ZNF705G: variants seen among roughly 807,000 people sequenced by gnomAD.
The protein encoded by ZNF705G is putative zinc finger protein 705G.
Under a neutral mutation model 19.6 loss-of-function variants are expected in ZNF705G, and 23 were observed. The observed-to-expected ratio is 1.17, with a 90% CI of 0.84 to 1.66. ZNF705G has a LOEUF of 1.66. Ranked by LOEUF, ZNF705G falls within the 40% of genes most tolerant of loss-of-function variation. ZNF705G has a pLI of 0.00. For missense variants in ZNF705G, 457 were observed against 354.4 expected (o/e 1.29, Z -2.32); for synonymous variants, 146 against 117.7 (o/e 1.24, Z -1.56).
Position 7,364,779 on chromosome 8 carries a change from T to G in ZNF705G, c.-71-1762A>C, listed in dbSNP as rs182939385. ...TATTTTCTACATCTGTTCATCAAGA[T>G]TCCAGTAACATATGACTCCATCTGC... On this transcript the variant is annotated intron_variant, in intron 2 of 6. Transcript: ENST00000400156. 2.8e-4 allele frequency among the ~76,000 whole-genome samples: 42 copies of G among 149,572 alleles called. 1 individual carries two copies. In the South Asian group the frequency reaches 8.8e-3, roughly 31 times the overall value.
At position 7,357,741 on chromosome 8, in the gene ZNF705G, T is replaced by C; in HGVS notation, c.*235A>G. On this transcript the variant is annotated 3_prime_UTR_variant, in exon 7 of 7. Transcript: ENST00000400156. ...TGTTGATTACAGTATTTCTTCAAAA[T>C]GTGAGTCCTTTGGCATGTTTAGATG... The C allele has an allele frequency of 1.3e-6, 1 of 742,844 alleles. No homozygotes were observed. Among genetic ancestry groups the C allele is most frequent in the Non-Finnish European group, 2.1e-6 (1 of 479,522 alleles). The allele number at this position is 742,844 out of a possible 1,614,324, so 46.0% of individuals were successfully genotyped here. A position where few individuals can be genotyped will look rare whatever the true frequency, so the allele number is the denominator to read the frequency against.
Position 7,360,309 on chromosome 8 carries a change from T to C in ZNF705G, c.163A>G (p.Ile55Val). The C allele has an allele frequency of 6.3e-7, 1 of 1,590,312 alleles. No homozygotes were observed. Among genetic ancestry groups the C allele is most frequent in the Non-Finnish European group, 8.5e-7 (1 of 1,178,792 alleles). Reference protein sequence around the residue: ...SLGYQISKSYIILQLEQGKEL... With the variant: ...SLGYQISKSYVILQLEQGKEL... ...TTTCCTTGCTCCAGCTGCAAAATTA[T>C]ATAGGATTTGCTTATCTGGTACCCT... Residue 55 changes from isoleucine (I) to valine (V), a missense_variant, in exon 5 of 7, where the codon ATA becomes GTA. Physicochemically the swap from Ile to Val is conservative, Grantham distance 29. Coordinates refer to ENST00000400156, the MANE Select transcript of ZNF705G (RefSeq NM_001164457.3).
chr8:7,370,834 C>T (rs1469258164), intron 2 of ZNF705G, among the ~76,000 whole-genome samples: 1 of 108,114 alleles, frequency 9.2e-6, no homozygotes, highest in Non-Finnish European at 1.9e-5. Flanking sequence ...CAGTGACAGA[C>T]TGGATAAAGA....
Position 7,359,668 on chromosome 8 carries a change from A to G in ZNF705G, c.269T>C (p.Ile90Thr). 1 of 1,606,948 alleles carries G rather than the reference A, an allele frequency of 6.2e-7. No homozygotes were observed. Among genetic ancestry groups the G allele is most frequent in the Non-Finnish European group, 8.5e-7 (1 of 1,179,304 alleles). Residue 90 changes from isoleucine (I) to threonine (T), a missense_variant, in exon 6 of 7, where the codon ATA becomes ACA. Transcript: ENST00000400156. Reference sequence around the variant, plus strand: ...TTTTCTGGTGATAGGATGCATGGATATCATGTGTGTTTTCTTAAGGGCACT... The same window carrying G: ...TTTTCTGGTGATAGGATGCATGGATGTCATGTGTGTTTTCTTAAGGGCACT... ...RESALKKTHM[I>T]SMHPITRKDA...
chr8:7,383,094 A>G (rs1807572364), intron 1 of ZNF705G, among the ~76,000 whole-genome samples: 1 of 146,496 alleles, frequency 6.8e-6, no homozygotes, highest in East Asian at 2.0e-4. Flanking sequence ...AATGGAAATT[A>G]CATTTTTTCC....
At chr8:7,364,699 T>A (rs573922442) in intron 2 of ZNF705G, among the ~76,000 whole-genome samples, 598 of 149,578 alleles carry the variant, frequency 4.0e-3, no homozygotes, top group Non-Finnish European at 6.2e-3. Context: ...TTAATGCACA[T>A]TTACAGACTT....
At position 7,361,159 on chromosome 8, in the gene ZNF705G, C is replaced by A. The variant is rs766462797; in HGVS notation, c.90G>T (p.Lys30Asn). The change falls in exon 4 of 7, where the codon AAG becomes AAT. Residue 30 changes from lysine (K) to asparagine (N), a missense_variant. Coordinates refer to ENST00000400156, the MANE Select transcript of ZNF705G (RefSeq NM_001164457.3). ...TTTCCAGCATCACATCTCTGTACAG[C>A]TTTCTCTTGGATGTGTCCATCATGG... ...EWAMMDTSKR[K>N]LYRDVMLENI... 1.3e-6 allele frequency: 2 copies of A among 1,592,952 alleles called. No homozygotes were observed. The highest frequency in any genetic ancestry group is 2.8e-5 in the African/African-American group (2 of 70,814).
intron 2 of ZNF705G, among the ~76,000 whole-genome samples, chr8:7,364,092 G>A (rs1182446863): frequency 6.7e-6 from 1 of 149,216 alleles, no homozygotes; most frequent in African/African-American, 2.6e-5. Flanking sequence ...TGCAATCATG[G>A]TTTATATTAG....
At chr8:7,362,255 T>C (rs1397840087) in intron 3 of ZNF705G, among the ~76,000 whole-genome samples, 10 of 149,986 alleles carry the variant, frequency 6.7e-5, no homozygotes, top group Non-Finnish European at 1.0e-4. Context: ...ATGTTACTTT[T>C]ACTTACCAGA....
Position 7,383,433 on chromosome 8 carries a change from C to T in ZNF705G, c.-221-1832G>A, listed in dbSNP as rs556227836. ...TAACAGGCACTGTCTGATTACCTTACTTCCTCAGCCCCTGAGAAGTACCTA... is the reference window on the plus strand; with the variant it reads ...TAACAGGCACTGTCTGATTACCTTATTTCCTCAGCCCCTGAGAAGTACCTA... On this transcript the variant is annotated intron_variant, in intron 1 of 6. Transcript: ENST00000400156. Among the ~76,000 whole-genome samples the T allele has an allele frequency of 1.7e-4, 25 of 146,562 alleles. 4 individuals carry two copies. The highest frequency in any genetic ancestry group is 5.3e-4 in the African/African-American group (19 of 36,070).
At chr8:7,362,832 C>G (rs575176241) in intron 3 of ZNF705G, 103 bp downstream of exon 3, 3 of 1,585,062 alleles carry the variant, frequency 1.9e-6, no homozygotes, top group Non-Finnish European at 2.5e-6. Context: ...AACAAACAAA[C>G]AAAAAAAGAA....
intron 2 of ZNF705G, among the ~76,000 whole-genome samples, chr8:7,380,394 A>G (rs933898142): frequency 1.4e-4 from 21 of 147,512 alleles, no homozygotes; most frequent in Non-Finnish European, 2.6e-4. Flanking sequence ...ACTGAGTATG[A>G]GCCCACCCAG....
In ZNF705G at chr8:7,360,660, A is replaced by G. The variant is rs963834758; in HGVS notation, c.140-328T>C. On this transcript the variant is annotated intron_variant, in intron 4 of 6. Coordinates refer to ENST00000400156, the MANE Select transcript of ZNF705G (RefSeq NM_001164457.3). Reference sequence around the variant, plus strand: ...TATATCTCTGCACAGTGTGTTTACTATTATTCTCACGCACAACAAAAAAAA... The same window carrying G: ...TATATCTCTGCACAGTGTGTTTACTGTTATTCTCACGCACAACAAAAAAAA... 2.7e-5 allele frequency among the ~76,000 whole-genome samples: 4 copies of G among 149,520 alleles called. 1 individual carries two copies. The highest frequency in any genetic ancestry group is 1.0e-4 in the African/African-American group (4 of 38,946).
In ZNF705G at chr8:7,358,318, A is replaced by G; in HGVS notation, c.561T>C (p.Leu187=). 1 of 1,607,846 alleles carries G rather than the reference A, an allele frequency of 6.2e-7. No individual in the cohort carries two copies. Among genetic ancestry groups the G allele is most frequent in the Non-Finnish European group, 8.5e-7 (1 of 1,179,648 alleles). ...CEKAYTNCFH[L]RRHKMTHTGE... is the part of the protein sequence containing the mutation. ...CAGTGTGAGTCATCTTGTGCCGTCT[A>G]AGGTGAAAGCAATTAGTATAGGCCT... The change falls in exon 7 of 7, where the codon CTT becomes CTC. Residue 187 remains leucine, a synonymous_variant. Transcript: ENST00000400156.
intron 2 of ZNF705G, among the ~76,000 whole-genome samples, chr8:7,364,177 C>T (rs532988972): frequency 4.7e-5 from 7 of 149,522 alleles, no homozygotes; most frequent in Non-Finnish European, 7.4e-5. Flanking sequence ...TGTATACATT[C>T]GTACATAGAT....
chr8:7,378,516 G>T (rs1272809950), intron 2 of ZNF705G, among the ~76,000 whole-genome samples: 2 of 97,662 alleles, frequency 2.0e-5, no homozygotes, highest in Non-Finnish European at 3.7e-5. Flanking sequence ...CAACACAAAT[G>T]CATTATCTGA....
In ZNF705G at chr8:7,358,179, C is replaced by G; in HGVS notation, c.700G>C (p.Gly234Arg). The G allele has an allele frequency of 4.4e-6, 7 of 1,607,552 alleles. No individual in the cohort carries two copies. Among genetic ancestry groups the G allele is most frequent in the Non-Finnish European group, 5.9e-6 (7 of 1,179,628 alleles). The change falls in exon 7 of 7, where the codon GGG becomes CGG. Residue 234 changes from glycine (G) to arginine (R), a missense_variant. Physicochemically the swap from Gly to Arg is moderately radical, Grantham distance 125. Coordinates refer to ENST00000400156, the MANE Select transcript of ZNF705G (RefSeq NM_001164457.3). ...GQRPYKCHQY[G>R]KVFIQSFNLQ... ...TTAAAGGATTGAATAAAGACTTTCC[C>G]ATATTGATGACACTTATATGGTCTC... is the stretch of plus-strand genomic sequence containing the variant.
At chr8:7,381,139 C>T (rs1807480432) in intron 2 of ZNF705G, among the ~76,000 whole-genome samples, 5 of 121,954 alleles carry the variant, frequency 4.1e-5, no homozygotes, top group South Asian at 2.6e-4. Flanking sequence ...GTTGCCATTG[C>T]TTTGATTCAC....
In ZNF705G at chr8:7,374,824, G is replaced by T. The variant is rs1314197813; in HGVS notation, c.-72+6628C>A. Among the ~76,000 whole-genome samples, 86 of 85,200 alleles carry T rather than the reference G, an allele frequency of 1.0e-3. 20 individuals are homozygous for T. Among genetic ancestry groups the T allele is most frequent in the Non-Finnish European group, 1.6e-3 (73 of 44,816 alleles). The allele number at this position is 85,200 out of a possible 152,430, so 55.9% of individuals were successfully genotyped here. ...TTAAGGTAGGTGACTAGACAAGACAGCCTATGTTCATTGTAACTCTATCTT... is the reference window on the plus strand; with the variant it reads ...TTAAGGTAGGTGACTAGACAAGACATCCTATGTTCATTGTAACTCTATCTT... On this transcript the variant is annotated intron_variant, in intron 2 of 6. Transcript: ENST00000400156.
Sources: allele counts gnomAD v4.1 joint callset (sites outside exome capture counted in the v4.1 genomes callset), GRCh38; gene constraint gnomAD v4.1.1; transcripts MANE v1.5; gene names NCBI Gene and HGNC (gene_info 2026-07-23, HGNC 2026-07-21).